Variants in CCSER1 observed in about 807,000 individuals in gnomAD.
CCSER1 encodes serine-rich coiled-coil domain-containing protein 1.
In CCSER1, 41 loss-of-function variants were observed where a neutral mutation model predicts 82.0. The observed-to-expected ratio is 0.50, with a 90% confidence interval of 0.39 to 0.65. The LOEUF is 0.65. Ranked by LOEUF, CCSER1 falls within the 30% of genes least tolerant of loss-of-function variation. CCSER1 has a pLI of 0.00. For synonymous variants in CCSER1, 414 were observed against 383.9 expected (o/e 1.08, Z -0.92); for missense variants, 1,119 against 1,064.2 (o/e 1.05, Z -0.72).
At chr4:91,177,782 A>G (rs1163571189) in intron 10 of CCSER1, among the ~76,000 whole-genome samples, 1 of 151,970 alleles carries the variant, frequency 6.6e-6, no homozygotes, top group Non-Finnish European at 1.5e-5. Context: ...GGATTCATTG[A>G]TTTTTTGAAG....
chr4:91,181,617 A>G (rs1022110799), intron 10 of CCSER1, among the ~76,000 whole-genome samples: 2 of 152,150 alleles, frequency 1.3e-5, no homozygotes, highest in South Asian at 2.1e-4. Context: ...TCATCTGAAC[A>G]TAGTGTGGCC....
At chr4:90,768,859 A>T (rs1480469626) in intron 7 of CCSER1, among the ~76,000 whole-genome samples, 1 of 152,150 alleles carries the variant, frequency 6.6e-6, no homozygotes, top group Non-Finnish European at 1.5e-5. Context: ...TGGGGAGATA[A>T]ATTAAAGGAA....
chr4:91,029,465 T>C, intron 9 of CCSER1, among the ~76,000 whole-genome samples: 1 of 152,034 alleles, frequency 6.6e-6, no homozygotes. Context: ...ATTCAGTGAA[T>C]TTACTACATG....
chr4:90,362,323 C>A (rs1319212453), intron 3 of CCSER1, among the ~76,000 whole-genome samples: 1 of 151,992 alleles, frequency 6.6e-6, no homozygotes, highest in Non-Finnish European at 1.5e-5. Flanking sequence ...ATTCAGAATG[C>A]CAAAATGACA....
chr4:90,727,103 G>GAA, intron 7 of CCSER1: 1 of 362,604 alleles, frequency 2.8e-6, no homozygotes, highest in East Asian at 7.3e-5. Flanking sequence ...TCTTTTATAA[G>GAA]AACTGTCAGA....
intron 8 of CCSER1, among the ~76,000 whole-genome samples, chr4:90,914,550 C>T (rs1190224438): frequency 6.6e-6 from 1 of 151,812 alleles, no homozygotes; most frequent in Non-Finnish European, 1.5e-5. Context: ...CAGGAAAGAT[C>T]TAAAACTGAC....
At chr4:90,682,414 TCCTTTTCC>T (rs888951190) in intron 6 of CCSER1, among the ~76,000 whole-genome samples, 21 of 152,172 alleles carry the variant, frequency 1.4e-4, no homozygotes, top group African/African-American at 4.6e-4. Context: ...GTGAATGCTT[TCCTTTTCC>T]CCATGTCTTA....
intron 7 of CCSER1, among the ~76,000 whole-genome samples, chr4:90,748,678 CCA>C (rs1366754605): frequency 7.0e-6 from 1 of 142,562 alleles, no homozygotes; most frequent in Non-Finnish European, 1.6e-5. Flanking sequence ...TCCTATTTCT[CCA>C]CATCCTCTCC....
intron 10 of CCSER1, among the ~76,000 whole-genome samples, chr4:91,337,545 C>T (rs1036073281): frequency 3.3e-5 from 5 of 152,064 alleles, no homozygotes; most frequent in African/African-American, 4.8e-5. Flanking sequence ...AGCTTCTTTA[C>T]GTAACCCTTA....
chr4:90,575,274 TG>T (rs1229709535), intron 5 of CCSER1, among the ~76,000 whole-genome samples: 2 of 152,222 alleles, frequency 1.3e-5, no homozygotes, highest in Admixed American at 1.3e-4. Context: ...CACAGGGACC[TG>T]GTAGGGGCTT....
chr4:91,086,993 T>A (rs1225590568), intron 10 of CCSER1, among the ~76,000 whole-genome samples: 1 of 152,094 alleles, frequency 6.6e-6, no homozygotes, highest in East Asian at 1.9e-4. Flanking sequence ...TTTTTCATGT[T>A]GTAGGAGAGC....
intron 10 of CCSER1, among the ~76,000 whole-genome samples, chr4:91,496,614 A>T (rs1313420060): frequency 0.018 from 324 of 17,934 alleles, 80 homozygotes; most frequent in African/African-American, 0.041. Flanking sequence ...ATATATATAT[A>T]CACGAATATA....
chr4:90,346,815 A>T (rs531245931), intron 3 of CCSER1, among the ~76,000 whole-genome samples: 1 of 152,254 alleles, frequency 6.6e-6, no homozygotes, highest in Non-Finnish European at 1.5e-5. Flanking sequence ...TTGCAGTTTT[A>T]AATTTATTAT....
intron 1 of CCSER1, among the ~76,000 whole-genome samples, chr4:90,206,137 CA>C (rs1416604981): frequency 2.6e-5 from 4 of 151,912 alleles, no homozygotes; most frequent in African/African-American, 9.7e-5. Context: ...GTAATCTTTT[CA>C]AAAAACCAGC....
At chr4:90,509,455 A>G (rs927284499) in intron 5 of CCSER1, among the ~76,000 whole-genome samples, 2 of 152,200 alleles carry the variant, frequency 1.3e-5, no homozygotes, top group Non-Finnish European at 2.9e-5. Flanking sequence ...AGAATAAGAC[A>G]GTTATACTGA....
At chr4:91,113,213 G>C (rs1208952688) in intron 10 of CCSER1, among the ~76,000 whole-genome samples, 1 of 152,154 alleles carries the variant, frequency 6.6e-6, no homozygotes, top group East Asian at 1.9e-4. Context: ...TACAGGAAGT[G>C]TTTATTAAAC....
chr4:90,618,993 A>T (rs1197023202), intron 5 of CCSER1, among the ~76,000 whole-genome samples: 1 of 151,888 alleles, frequency 6.6e-6, no homozygotes, highest in East Asian at 1.9e-4. Context: ...ATTATAGGTA[A>T]CTACAAAATA....
At chr4:90,295,849 A>T (rs1006881488) in intron 1 of CCSER1, among the ~76,000 whole-genome samples, 1 of 151,974 alleles carries the variant, frequency 6.6e-6, no homozygotes, top group African/African-American at 2.4e-5. Flanking sequence ...TCCCCATCTT[A>T]TTAGACTTTC....
intron 9 of CCSER1, among the ~76,000 whole-genome samples, chr4:91,063,300 T>A (rs1744109565): frequency 6.6e-6 from 1 of 152,096 alleles, no homozygotes; most frequent in Non-Finnish European, 1.5e-5. Context: ...TAATATCTAA[T>A]CTCTAACTTG....
Sources: allele counts gnomAD v4.1 joint callset (sites outside exome capture counted in the v4.1 genomes callset), GRCh38; gene constraint gnomAD v4.1.1; transcripts MANE v1.5; gene names NCBI Gene and HGNC (gene_info 2026-07-23, HGNC 2026-07-21).